Variants in LRP1 observed in about 807,000 individuals in gnomAD.
The protein encoded by LRP1 is LDL receptor related protein 1.
In LRP1, 51 loss-of-function variants were observed where a neutral mutation model predicts 541.5. The observed-to-expected ratio is 0.09, with a 90% CI of 0.08 to 0.12. LRP1 has a LOEUF of 0.12. LRP1 is among the 10% of genes least tolerant of loss of function. The pLI is 1.00. For missense variants in LRP1, 3,878 were observed against 6,376.2 expected (o/e 0.61, Z 13.34); for synonymous variants, 2,219 against 2,470.8 (o/e 0.90, Z 3.02).
At position 57,201,938 on chromosome 12, in the gene LRP1, G is replaced by GTC; in HGVS notation, c.10594+35_10594+36dup. On this transcript the variant is annotated intron_variant, in intron 67 of 88. Coordinates refer to ENST00000243077, the MANE Select transcript of LRP1 (RefSeq NM_002332.3). The surrounding 1 kb of genome is among the most constrained non-coding windows in gnomAD (Gnocchi z 6.4). ...GAGACCCCACTCCAGGAGGAAGACA[G>GTC]TCTACCTGGGTGGGAGGCATGGCAC... 6.2e-7 allele frequency: 1 copy of GTC among 1,612,600 alleles called. No homozygotes were observed. Among genetic ancestry groups the GTC allele is most frequent in the East Asian group, 2.2e-5 (1 of 44,848 alleles).
chr12:57,144,198 T>C (rs934558418), intron 4 of LRP1, among the ~76,000 whole-genome samples: 2 of 152,212 alleles, frequency 1.3e-5, no homozygotes, highest in African/African-American at 4.8e-5. Context: ...GAAAATCTAA[T>C]TGGAAGTACT....
In LRP1 at chr12:57,180,359, C is replaced by G; in HGVS notation, c.5266C>G (p.Leu1756Val). 1.2e-6 allele frequency: 2 copies of G among 1,614,150 alleles called. No individual in the cohort carries two copies. The highest frequency in any genetic ancestry group is 1.7e-6 in the Non-Finnish European group (2 of 1,180,026). The change falls in exon 32 of 89, where the codon CTC becomes GTC. Residue 1756 changes from leucine to valine, a missense_variant. Coordinates refer to ENST00000243077, the MANE Select transcript of LRP1 (RefSeq NM_002332.3). ...GGCTATTGACTTCCCTGAAAGCAAA[C>G]TCTACTGGATCAGCTCCGGGAACCA... Reference protein sequence around the residue: ...GLAIDFPESKLYWISSGNHTI... With the variant: ...GLAIDFPESKVYWISSGNHTI...
chr12:57,145,049 G>A lies in LRP1; in HGVS notation c.526G>A (p.Val176Ile), dbSNP rs1220600801. Residue 176 changes from valine to isoleucine, a missense_variant, in exon 5 of 89, where the codon GTT (valine) becomes ATT (isoleucine). By Grantham distance (29) the Val-to-Ile change is conservative. Coordinates refer to ENST00000243077, the MANE Select transcript of LRP1 (RefSeq NM_002332.3). ...AGACGGCTCCTTCATATGTGGCTGT[G>A]TTGAAGGATACCTCCTGCAGCCGGA... ...NTDGSFICGC[V>I]EGYLLQPDNR... is the part of the protein sequence containing the mutation. The A allele has an allele frequency of 6.2e-7, 1 of 1,613,960 alleles. No individual in the cohort carries two copies. Among genetic ancestry groups the A allele is most frequent in the Non-Finnish European group, 8.5e-7 (1 of 1,180,044 alleles).
chr12:57,185,220 C>T lies in LRP1; in HGVS notation c.6463+15C>T. ...CCGGCAGAAAGGTGAGGCTGGGGCT[C>T]TGGGCTGGGGTGGAGAGGTGAGGGG... On this transcript the variant is annotated intron_variant, in intron 40 of 88. Coordinates refer to ENST00000243077, the MANE Select transcript of LRP1 (RefSeq NM_002332.3). The surrounding 1 kb of genome is among the most constrained non-coding windows in gnomAD (Gnocchi z 4.9). The T allele has an allele frequency of 6.2e-7, 1 of 1,613,852 alleles. No homozygotes were observed. The highest frequency in any genetic ancestry group is 8.5e-7 in the Non-Finnish European group (1 of 1,179,888).
At chr12:57,188,851 A>C (rs2036322056) in intron 42 of LRP1, among the ~76,000 whole-genome samples, 2 of 152,216 alleles carry the variant, frequency 1.3e-5, no homozygotes, top group Admixed American at 6.5e-5. Context: ...CATGTTAGCC[A>C]GCGTCTGAGG....
In LRP1 at chr12:57,202,543, T is replaced by TGGCCC; in HGVS notation, c.10711+6_10711+7insGGCCC. ...CTCCGATGAAGAGAGCTGCAGTACG[T>TGGCCC]CCCCACCCACCCAGCCCCGCATGAG... On this transcript the variant is annotated splice_region_variant and intron_variant, in intron 68 of 88. Coordinates refer to ENST00000243077, the MANE Select transcript of LRP1 (RefSeq NM_002332.3). The TGGCCC allele has an allele frequency of 1.1e-5, 16 of 1,523,568 alleles. No homozygotes were observed. The highest frequency in any genetic ancestry group is 1.4e-5 in the Non-Finnish European group (16 of 1,124,756). The allele number at this position is 1,523,568 out of a possible 1,614,324, so 94.4% of individuals were successfully genotyped here.
In LRP1 at chr12:57,206,617, G is replaced by A; in HGVS notation, c.11735G>A (p.Gly3912Asp). Residue 3912 changes from glycine to aspartate, a missense_variant, in exon 76 of 89, where the codon GGC (glycine) becomes GAC (aspartate). Physicochemically the swap from Gly to Asp is moderately conservative, Grantham distance 94. Transcript: ENST00000243077. This position sits in a 1 kb window ranked among gnomAD's most constrained non-coding sequence, Gnocchi z 4.7. ...IDAMDVHVKA[G>D]RVYWTNWHTG... ...GCTATGGATGTCCATGTCAAGGCTGGCCGTGTCTATTGGACCAACTGGCAC... is the reference window on the plus strand; with the variant it reads ...GCTATGGATGTCCATGTCAAGGCTGACCGTGTCTATTGGACCAACTGGCAC... 1.2e-6 allele frequency: 2 copies of A among 1,614,174 alleles called. No homozygotes were observed. Among genetic ancestry groups the A allele is most frequent in the Non-Finnish European group, 1.7e-6 (2 of 1,180,040 alleles).
chr12:57,169,444 G>A, intron 20 of LRP1, 137 bp downstream of exon 20: 1 of 804,850 alleles, frequency 1.2e-6, no homozygotes, highest in Non-Finnish European at 1.9e-6. Context: ...CATGGCTCTT[G>A]TCCTTCAGGA....
rs145154098 is a variant in LRP1 at position 57,160,946 on chromosome 12, G to A, written c.2033G>A (p.Arg678Gln). The stretch of plus-strand genomic sequence containing the variant: ...GACCCCAAGGACAGTCGGCGTGGGC[G>A]GCTGGAGAGGGCGTGGATGGATGGC... ...EEDPKDSRRG[R>Q]LERAWMDGSH... Residue 678 changes from arginine to glutamine, a missense_variant, in exon 13 of 89, where the codon CGG (arginine) becomes CAG (glutamine). Transcript: ENST00000243077. 1.5e-5 allele frequency: 25 copies of A among 1,613,852 alleles called. No homozygotes were observed. Among genetic ancestry groups the A allele is most frequent in the African/African-American group, 2.7e-5 (2 of 74,886 alleles).
chr12:57,141,235 C>A, intron 2 of LRP1, 139 bp from the exon 3 acceptor site: 1 of 885,002 alleles, frequency 1.1e-6, no homozygotes, highest in Non-Finnish European at 1.7e-6. Flanking sequence ...AAAAGAGTTC[C>A]AGGTGGAAGA....
chr12:57,200,104 T>A, intron 62 of LRP1, 79 bp downstream of exon 62: 1 of 1,207,992 alleles, frequency 8.3e-7, no homozygotes, highest in Non-Finnish European at 1.2e-6. Context: ...ACACCTGCTC[T>A]GTCCTAATGT....
intron 20 of LRP1, among the ~76,000 whole-genome samples, chr12:57,172,337 T>C (rs1712923676): frequency 6.6e-6 from 1 of 152,084 alleles, no homozygotes; most frequent in Non-Finnish European, 1.5e-5. Context: ...GCCTGGCTAA[T>C]TTTTTGTATT....
chr12:57,130,237 A>AC (rs1238381694), intron 1 of LRP1, among the ~76,000 whole-genome samples: 1 of 151,374 alleles, frequency 6.6e-6, no homozygotes, highest in Non-Finnish European at 1.5e-5. Flanking sequence ...ACCATCATAC[A>AC]CCCCCTCCTC....
chr12:57,175,897 C>T lies in LRP1; in HGVS notation c.3794-12C>T, dbSNP rs753864990. 3.1e-6 allele frequency: 5 copies of T among 1,613,580 alleles called. No homozygotes were observed. Among genetic ancestry groups the T allele is most frequent in the Non-Finnish European group, 3.4e-6 (4 of 1,179,840 alleles). ...GCCCCTTGCTGACCCCATCACATCC[C>T]TCCCATCCCAGACCCCTTCAAGCCG... On this transcript the variant is annotated splice_polypyrimidine_tract_variant and intron_variant, in intron 23 of 88. Coordinates refer to ENST00000243077, the MANE Select transcript of LRP1 (RefSeq NM_002332.3).
At chr12:57,188,524 C>A (rs148133705) in intron 42 of LRP1, among the ~76,000 whole-genome samples, 2 of 152,170 alleles carry the variant, frequency 1.3e-5, no homozygotes, top group African/African-American at 2.4e-5. Context: ...TCCAGTCCCC[C>A]CTTCCATGAC....
Position 57,201,644 on chromosome 12 carries a change from G to C in LRP1, c.10468+25G>C. The C allele has an allele frequency of 6.2e-7, 1 of 1,606,040 alleles. No individual in the cohort carries two copies. Among genetic ancestry groups the C allele is most frequent in the Non-Finnish European group, 8.5e-7 (1 of 1,174,014 alleles). On this transcript the variant is annotated intron_variant, in intron 66 of 88. Transcript: ENST00000243077. The surrounding 1 kb of genome is among the most constrained non-coding windows in gnomAD (Gnocchi z 6.4). ...AGTGAGTTGCCTGGCCTGGAGCCCAGCTTCCCTCCCCAGTGTCTGCTGCTC... is the reference window on the plus strand; with the variant it reads ...AGTGAGTTGCCTGGCCTGGAGCCCACCTTCCCTCCCCAGTGTCTGCTGCTC...
Position 57,143,759 on chromosome 12 carries a change from A to G in LRP1, c.409A>G (p.Ser137Gly). Residue 137 changes from serine (S) to glycine (G), a missense_variant, in exon 4 of 89, where the codon AGC (serine) becomes GGC (glycine). Transcript: ENST00000243077. ...TLDGPTCYCN[S>G]SFQLQADGKT... is the part of the protein sequence containing the mutation. Reference sequence around the variant, plus strand: ...CGATGGGCCCACCTGCTACTGCAACAGCAGCTTTCAGCTTCAGGCAGATGG... The same window carrying G: ...CGATGGGCCCACCTGCTACTGCAACGGCAGCTTTCAGCTTCAGGCAGATGG... The G allele has an allele frequency of 6.2e-7, 1 of 1,614,160 alleles. No individual in the cohort carries two copies. Among genetic ancestry groups the G allele is most frequent in the Non-Finnish European group, 8.5e-7 (1 of 1,180,002 alleles).
At chr12:57,182,694 TAA>T (rs1367240657) in intron 34 of LRP1, among the ~76,000 whole-genome samples, 2 of 151,866 alleles carry the variant, frequency 1.3e-5, no homozygotes, top group Non-Finnish European at 2.9e-5. Context: ...TGCATGCCTG[TAA>T]TCCCAGCTAC....
rs756006963 is a variant in LRP1, at chr12:57,178,734, G to A, written c.4606+131G>A. The A allele has an allele frequency of 1.5e-5, 23 of 1,519,112 alleles. No homozygotes were observed. The highest frequency in any genetic ancestry group is 2.1e-5 in the Non-Finnish European group (23 of 1,121,296). 94.1% of individuals were successfully genotyped at this position (1,519,112 alleles called of 1,614,324 possible). A position where few individuals can be genotyped will look rare whatever the true frequency, so the allele number is the denominator to read the frequency against. ...GTGCTGGGATGGCAGGGGTAGGCCG[G>A]CTGTTGACAGAGGCACTGTCTAGCA... On this transcript the variant is annotated intron_variant, in intron 27 of 88. Coordinates refer to ENST00000243077, the MANE Select transcript of LRP1 (RefSeq NM_002332.3). The surrounding 1 kb of genome is among the most constrained non-coding windows in gnomAD (Gnocchi z 5.8).
Sources: gnomAD v4.1 joint callset for allele counts (sites outside exome capture counted in the v4.1 genomes callset) on GRCh38, gnomAD v4.1.1 for gene constraint, Gnocchi (gnomAD v3.1) non-coding constraint, MANE v1.5 for transcripts, NCBI Gene and HGNC (gene_info 2026-07-23, HGNC 2026-07-21) for gene names.